The following NUP210 variants were observed in gnomAD, a reference collection of about 807,000 sequenced individuals.
NUP210 encodes the protein nuclear pore membrane glycoprotein 210.
In NUP210, 151 loss-of-function variants were observed where a neutral mutation model predicts 196.0. The ratio of observed to expected loss-of-function variants is 0.77; its 90% confidence interval spans 0.67 to 0.88. The LOEUF (loss-of-function observed/expected upper bound fraction) is 0.88, where lower values mean the gene tolerates loss of function less well. Among genes scored for constraint, NUP210 ranks in the 40% least tolerant of loss-of-function variants. The pLI is 0.00. For missense variants in NUP210, 2,314 were observed against 2,493.7 expected (o/e 0.93, Z 1.53); for synonymous variants, 1,070 against 1,052.7 (o/e 1.02, Z -0.32).
chr3:13,353,120 C>A (rs1325830870), intron 18 of NUP210, among the ~76,000 whole-genome samples: 1 of 152,124 alleles, frequency 6.6e-6, no homozygotes, highest in Admixed American at 6.5e-5. Flanking sequence ...AGGCCAGCCT[C>A]CCCAGTGCTG....
intron 1 of NUP210, among the ~76,000 whole-genome samples, chr3:13,401,578 C>G (rs1268789188): frequency 6.6e-6 from 1 of 152,198 alleles, no homozygotes; most frequent in African/African-American, 2.4e-5. Context: ...TCGAGGAACA[C>G]AGCAAAGCAG....
chr3:13,341,323 CCT>C (rs1425716944), intron 23 of NUP210, among the ~76,000 whole-genome samples: 1 of 152,198 alleles, frequency 6.6e-6, no homozygotes, highest in East Asian at 1.9e-4. Flanking sequence ...TCACGCAGCC[CCT>C]GTGACAGGTG....
In NUP210 at chr3:13,319,088, A is replaced by C; in HGVS notation, c.5547T>G (p.Pro1849=). The change falls in exon 39 of 40, where the codon CCT becomes CCG. Residue 1849 remains proline, a synonymous_variant. Coordinates refer to ENST00000254508, the MANE Select transcript of NUP210 (RefSeq NM_024923.4). ...VPAALTPRAS[P]GHSPHYFAAS... ...GCTACTCACAGTGGGGGCTGTGTCCAGGGCTGGCTCGAGGCGTGAGGGCTG... is the reference window on the plus strand; with the variant it reads ...GCTACTCACAGTGGGGGCTGTGTCCCGGGCTGGCTCGAGGCGTGAGGGCTG... 1 of 1,606,082 alleles carries C rather than the reference A, an allele frequency of 6.2e-7. No homozygotes were observed. The highest frequency in any genetic ancestry group is 1.7e-5 in the Admixed American group (1 of 58,500).
chr3:13,404,576 G>A (rs73813577), intron 1 of NUP210, among the ~76,000 whole-genome samples: 18,430 of 152,126 alleles, frequency 0.12, 1,648 homozygotes, highest in African/African-American at 0.25. Context: ...CTTACAGATC[G>A]GTAAACTGAG....
At chr3:13,416,672 CAG>C (rs1191891411) in intron 1 of NUP210, among the ~76,000 whole-genome samples, 1 of 152,208 alleles carries the variant, frequency 6.6e-6, no homozygotes, top group Non-Finnish European at 1.5e-5. Context: ...GACTCCATGA[CAG>C]GGAAAGAATC....
Position 13,375,614 on chromosome 3 carries a change from G to T in NUP210, c.1321C>A (p.Pro441Thr), listed in dbSNP as rs371139327. The change falls in exon 11 of 40, where the codon CCT becomes ACT. Residue 441 changes from proline to threonine, a missense_variant. By Grantham distance (38) the Pro-to-Thr change is conservative (BLOSUM62 -1). Coordinates refer to ENST00000254508, the MANE Select transcript of NUP210 (RefSeq NM_024923.4). ...TCCACCTCCTGCTGGTTCCACACAG[G>T]CACCTGTAGTATGTGGACCCCTCCA... Reference protein sequence around the residue: ...QDGGVHILQVPVWNQQEVEIH... With the variant: ...QDGGVHILQVTVWNQQEVEIH... 9.9e-6 allele frequency: 16 copies of T among 1,613,872 alleles called. No homozygotes were observed. The African/African-American group carries it at 1.6e-4, about 16-fold the overall frequency.
intron 30 of NUP210, among the ~76,000 whole-genome samples, chr3:13,330,129 C>T (rs1446001441): frequency 1.3e-5 from 2 of 152,254 alleles, no homozygotes; most frequent in East Asian, 3.8e-4. Context: ...CATCAGTGGC[C>T]AGGCACAGTG....
chr3:13,356,888 G>C (rs1203765668), intron 16 of NUP210, among the ~76,000 whole-genome samples: 9 of 152,250 alleles, frequency 5.9e-5, no homozygotes, highest in Admixed American at 5.9e-4. Flanking sequence ...CCAACAGACA[G>C]ACCAGGACCA....
intron 15 of NUP210, among the ~76,000 whole-genome samples, chr3:13,359,690 C>T (rs1281398984): frequency 6.6e-6 from 1 of 152,208 alleles, no homozygotes; most frequent in Non-Finnish European, 1.5e-5. Flanking sequence ...TCTCAGCTCA[C>T]CCTCCCCGGG....
chr3:13,322,101 G>C, intron 35 of NUP210, 92 bp downstream of exon 35: 3 of 1,461,456 alleles, frequency 2.1e-6, no homozygotes, highest in African/African-American at 2.8e-5. Flanking sequence ...TGGACAGACG[G>C]CCATGGTGAG....
In NUP210 at chr3:13,323,479, G is replaced by T. The variant is rs200849982; in HGVS notation, c.4645-47C>A. ...CTTCATGGAGCGCCGCCTGTGTCCC[G>T]GTCCATGCTGGGCGTTTCCACAACC... On this transcript the variant is annotated intron_variant, in intron 33 of 39. Transcript: ENST00000254508. This position sits in a 1 kb window ranked among gnomAD's most constrained non-coding sequence, Gnocchi z 4.3. 9 of 1,606,948 alleles carry T rather than the reference G, an allele frequency of 5.6e-6. No homozygotes were observed. In the African/African-American group the frequency reaches 6.7e-5, roughly 12 times the overall value.
chr3:13,372,499 G>A (rs1255241686), intron 12 of NUP210, among the ~76,000 whole-genome samples: 1 of 152,226 alleles, frequency 6.6e-6, no homozygotes, highest in African/African-American at 2.4e-5. Context: ...CAGGTGAGCA[G>A]TGTGGTGAGG....
chr3:13,412,231 C>CTTTTTTTTT (rs71066953), intron 1 of NUP210, among the ~76,000 whole-genome samples: 7 of 104,736 alleles, frequency 6.7e-5, no homozygotes, highest in African/African-American at 2.1e-4. Context: ...TTTTCCTTTT[C>CTTTTTTTTT]TTTTTTTTTT....
chr3:13,372,139 C>G, intron 12 of NUP210, 107 bp from the exon 13 acceptor site: 1 of 1,052,856 alleles, frequency 9.5e-7, no homozygotes, highest in Non-Finnish European at 1.4e-6. Flanking sequence ...GAGGATACAT[C>G]TGTGAGAAGC....
Position 13,392,223 on chromosome 3 carries a change from G to A in NUP210, c.437-916C>T, listed in dbSNP as rs189287601. Among the ~76,000 whole-genome samples the A allele has an allele frequency of 3.0e-3, 450 of 152,280 alleles. 5 individuals carry two copies. Among genetic ancestry groups the A allele is most frequent in the Non-Finnish European group, 4.0e-3 (271 of 68,000 alleles). ...CTGGGGTCCTGCTTCTCTTCACCCC[G>A]ATCCCTGGCCCTGCAAGGTCTCAAA... On this transcript the variant is annotated intron_variant, in intron 3 of 39. Coordinates refer to ENST00000254508, the MANE Select transcript of NUP210 (RefSeq NM_024923.4).
intron 20 of NUP210, 29 bp from the exon 21 acceptor site, chr3:13,343,332 T>TGGGGGGGGGGGGGGGGGG: frequency 9.3e-6 from 2 of 214,664 alleles, no homozygotes; most frequent in Non-Finnish European, 1.8e-5. Context: ...GGTGGAGGGG[T>TGGGGGGGGGGGGGGGGGG]GGGTGGTGGG....
Position 13,375,525 on chromosome 3 carries a change from G to T in NUP210, c.1410C>A (p.Gly470=), listed in dbSNP as rs769343940. 3.1e-6 allele frequency: 5 copies of T among 1,614,098 alleles called. No homozygotes were observed. Among genetic ancestry groups the T allele is most frequent in the South Asian group, 2.2e-5 (2 of 91,078 alleles). ...GTACCCTTATTGTGTACTGATAGGC[G>T]CCCGTCTTTGGTTGCCACGGAAATG... is the stretch of plus-strand genomic sequence containing the variant. ...ILTFPWQPKT[G]AYQYTIRAHG... Residue 470 remains glycine (G), a synonymous_variant, in exon 11 of 40, where the codon GGC becomes GGA. Coordinates refer to ENST00000254508, the MANE Select transcript of NUP210 (RefSeq NM_024923.4).
intron 1 of NUP210, among the ~76,000 whole-genome samples, chr3:13,409,263 C>T (rs1283385406): frequency 6.6e-6 from 1 of 152,204 alleles, no homozygotes; most frequent in Admixed American, 6.5e-5. Flanking sequence ...ATGTTGAAAT[C>T]CTCACCTCTG....
At chr3:13,327,183 C>G (rs1426197437) in intron 32 of NUP210, 34 bp downstream of exon 32, 2 of 1,576,934 alleles carry the variant, frequency 1.3e-6, no homozygotes, top group African/African-American at 1.3e-5. Context: ...GCGTCCGTGA[C>G]TCCACAGGTT....
Sources: allele counts gnomAD v4.1 joint callset (sites outside exome capture counted in the v4.1 genomes callset), GRCh38; gene constraint gnomAD v4.1.1; non-coding constraint Gnocchi (gnomAD v3.1); transcripts MANE v1.5; gene names NCBI Gene and HGNC (gene_info 2026-07-23, HGNC 2026-07-21).